The following GLIS3 variants were observed in gnomAD, a reference collection of about 807,000 sequenced individuals.
GLIS3 encodes the protein zinc finger protein GLIS3.
In GLIS3, 53 loss-of-function variants were observed where a neutral mutation model predicts 78.6. The ratio of observed to expected loss-of-function variants is 0.67; its 90% CI spans 0.54 to 0.85. The LOEUF (loss-of-function observed/expected upper bound fraction) is 0.85, where lower values mean the gene tolerates loss of function less well. GLIS3 is among the 40% of genes least tolerant of loss of function. The pLI is 0.00. For missense variants in GLIS3, 1,703 were observed against 1,231.1 expected (o/e 1.38, Z -5.74); for synonymous variants, 684 against 509.9 (o/e 1.34, Z -4.60).
chr9:4,417,114 G>C, the GLIS3 span, among the ~76,000 whole-genome samples: 387 of 152,102 alleles, frequency 2.5e-3, 1 homozygote, highest in Non-Finnish European at 4.6e-3. Context: ...ACACTTTTCC[G>C]TCTATTAGTA....
At chr9:4,359,459 T>A in the GLIS3 span, among the ~76,000 whole-genome samples, 3 of 152,178 alleles carry the variant, frequency 2.0e-5, no homozygotes, top group Non-Finnish European at 4.4e-5. Flanking sequence ...AATCCTACAA[T>A]CTTTCAGCTG....
At chr9:4,298,399 A>G (rs1318580394) in intron 1 of GLIS3, 1 of 456,386 alleles carries the variant, frequency 2.2e-6, no homozygotes, top group Non-Finnish European at 4.4e-6. Flanking sequence ...TGAATCATCC[A>G]TAGGATGACA....
chr9:4,181,055 T>G (rs547826542), intron 2 of GLIS3, among the ~76,000 whole-genome samples: 18 of 152,258 alleles, frequency 1.2e-4, no homozygotes, highest in South Asian at 8.3e-4. Flanking sequence ...GAGTCAAACT[T>G]CCAGGCACAG....
At position 4,346,002 on chromosome 9, in the gene GLIS3, C is replaced by A. The variant is rs12353011; in HGVS notation, n.264+1079G>T. Among the ~76,000 whole-genome samples, 1,000 of 152,146 alleles carry A rather than the reference C, an allele frequency of 6.6e-3. 13 individuals are homozygous for A. Among genetic ancestry groups the A allele is most frequent in the African/African-American group, 0.023 (940 of 41,510 alleles). On this transcript the variant is annotated intron_variant and non_coding_transcript_variant, in intron 2 of 4. Coordinates refer to the GLIS3 transcript ENST00000471664. The stretch of plus-strand genomic sequence containing the variant: ...AGTTCGAGTGGGAGATTCTAATACA[C>A]TTTTTTCAAATCAGTGAGATCTAGG...
chr9:4,366,043 T>C, the GLIS3 span, among the ~76,000 whole-genome samples: 2 of 152,172 alleles, frequency 1.3e-5, no homozygotes, highest in African/African-American at 4.8e-5. Context: ...TTGAAAATGC[T>C]TCGGTGGTGA....
chr9:4,286,887 C>T (rs183840875), intron 1 of GLIS3, among the ~76,000 whole-genome samples: 62 of 152,304 alleles, frequency 4.1e-4, no homozygotes, highest in Middle Eastern at 6.8e-3. Context: ...TTGGGAAACC[C>T]AAAAGCACCA....
At chr9:3,986,615 C>T (rs539073241) in intron 4 of GLIS3, among the ~76,000 whole-genome samples, 1 of 152,238 alleles carries the variant, frequency 6.6e-6, no homozygotes, top group Non-Finnish European at 1.5e-5. Context: ...AGCAGGGGCA[C>T]TGGCAGGGAA....
chr9:4,335,836 T>G (rs1010118712), intron 2 of GLIS3, among the ~76,000 whole-genome samples: 8 of 152,190 alleles, frequency 5.3e-5, no homozygotes, highest in African/African-American at 1.9e-4. Flanking sequence ...TTTAACAGGA[T>G]AAGGTGATTC....
chr9:4,307,062 G>A (rs908059779), intron 4 of GLIS3, among the ~76,000 whole-genome samples: 2 of 152,208 alleles, frequency 1.3e-5, no homozygotes, highest in African/African-American at 4.8e-5. Context: ...ACACAGTTTA[G>A]TTATGGCAAT....
At chr9:4,130,825 A>G (rs367812754) in intron 2 of GLIS3, among the ~76,000 whole-genome samples, 16 of 152,170 alleles carry the variant, frequency 1.1e-4, no homozygotes, top group African/African-American at 3.6e-4. Flanking sequence ...CAAGAGGGAC[A>G]CCATCTTCCA....
chr9:4,120,872 A>C (rs1249821756), intron 3 of GLIS3, among the ~76,000 whole-genome samples: 1 of 152,170 alleles, frequency 6.6e-6, no homozygotes, highest in Non-Finnish European at 1.5e-5. Flanking sequence ...ATAAAATTGT[A>C]TTATTTGGTT....
At chr9:4,223,000 C>G (rs964637187) in intron 2 of GLIS3, among the ~76,000 whole-genome samples, 1 of 152,132 alleles carries the variant, frequency 6.6e-6, no homozygotes, top group Non-Finnish European at 1.5e-5. Context: ...AGGGAACAAA[C>G]AGCACTCCTT....
chr9:4,099,463 ATG>A (rs773391170), intron 4 of GLIS3, among the ~76,000 whole-genome samples: 3 of 59,736 alleles, frequency 5.0e-5, no homozygotes, highest in Non-Finnish European at 1.1e-4. Flanking sequence ...CAATGCACAC[ATG>A]TCTTTGTGTC....
chr9:3,896,670 T>TAAA (rs60086001), intron 7 of GLIS3, among the ~76,000 whole-genome samples: 1 of 49,982 alleles, frequency 2.0e-5, no homozygotes, highest in East Asian at 7.2e-4. Context: ...CCATCTCAAT[T>TAAA]AAAAAAAAAA....
At chr9:4,331,845 A>G (rs971673507) in intron 2 of GLIS3, among the ~76,000 whole-genome samples, 22 of 152,190 alleles carry the variant, frequency 1.4e-4, no homozygotes, top group African/African-American at 4.8e-4. Context: ...AGAACACATG[A>G]ACAAAGGCCC....
chr9:4,236,120 A>C (rs1415301695), intron 2 of GLIS3, among the ~76,000 whole-genome samples: 3 of 145,556 alleles, frequency 2.1e-5, no homozygotes, highest in Non-Finnish European at 4.5e-5. Flanking sequence ...CACTGTTCTC[A>C]CACAGCTTAA....
At chr9:4,168,122 G>C (rs1816033823) in intron 2 of GLIS3, among the ~76,000 whole-genome samples, 1 of 152,094 alleles carries the variant, frequency 6.6e-6, no homozygotes, top group Non-Finnish European at 1.5e-5. Context: ...TGAAAACTCA[G>C]CAAGCAAATC....
chr9:4,343,018 G>C (rs897822309), intron 2 of GLIS3, among the ~76,000 whole-genome samples: 1 of 152,062 alleles, frequency 6.6e-6, no homozygotes, highest in Non-Finnish European at 1.5e-5. Context: ...GTTTAACATT[G>C]ATAATCATTA....
intron 2 of GLIS3, among the ~76,000 whole-genome samples, chr9:4,329,185 A>T (rs1401984488): frequency 6.6e-6 from 1 of 152,106 alleles, no homozygotes; most frequent in Non-Finnish European, 1.5e-5. Flanking sequence ...TCCTTGAACC[A>T]AAAGCTCTCT....
Sources: gnomAD v4.1 joint callset for allele counts (sites outside exome capture counted in the v4.1 genomes callset) on GRCh38, gnomAD v4.1.1 for gene constraint, MANE v1.5 for transcripts, NCBI Gene and HGNC (gene_info 2026-07-23, HGNC 2026-07-21) for gene names.